PRKAB2: variants seen among roughly 807,000 people sequenced by gnomAD.
The protein encoded by PRKAB2 is 5'-AMP-activated protein kinase subunit beta-2.
Under a neutral mutation model 29.8 loss-of-function variants are expected in PRKAB2, and 18 were observed. That is an observed-to-expected ratio of 0.60 (90% CI 0.42 to 0.89). The LOEUF is 0.89. Ranked by LOEUF, PRKAB2 falls within the 40% of genes least tolerant of loss-of-function variation. The pLI, the probability that PRKAB2 is intolerant of heterozygous loss-of-function variation, is 0.00. For missense variants in PRKAB2, 270 were observed against 344.3 expected (o/e 0.78, Z 1.71); for synonymous variants, 136 against 125.9 (o/e 1.08, Z -0.54).
chr1:147,159,471 C>A lies in PRKAB2; in HGVS notation c.*94G>T. 8.8e-7 allele frequency: 1 copy of A among 1,141,560 alleles called. No homozygotes were observed. The allele number at this position is 1,141,560 out of a possible 1,614,324, so 70.7% of individuals were successfully genotyped here. ...TGAAACACACATATCAGCCTCAAAG[C>A]AAATCAGCCTTCCAGTCTCAGGTAA... On this transcript the variant is annotated 3_prime_UTR_variant, in exon 8 of 8. Coordinates refer to ENST00000254101, the MANE Select transcript of PRKAB2 (RefSeq NM_005399.5).
At chr1:147,165,415 A>T (rs1654192179) in intron 5 of PRKAB2, among the ~76,000 whole-genome samples, 1 of 152,204 alleles carries the variant, frequency 6.6e-6, no homozygotes, top group Admixed American at 6.5e-5. Flanking sequence ...TCAGCTGAGA[A>T]TCACTGAAAG....
In PRKAB2 at chr1:147,158,276, T is replaced by C. The variant is rs1653771688; in HGVS notation, c.*1289A>G. ...AGAACAAAATGATTTTGTTAACATT[T>C]GGTGCAAAGAATGATACTTTTCATG... On this transcript the variant is annotated 3_prime_UTR_variant, in exon 8 of 8. Coordinates refer to ENST00000254101, the MANE Select transcript of PRKAB2 (RefSeq NM_005399.5). 1 of 152,170 alleles carries C rather than the reference T, an allele frequency of 6.6e-6. No homozygotes were observed. The highest frequency in any genetic ancestry group is 1.5e-5 in the Non-Finnish European group (1 of 68,018). The allele number at this position is 152,170 out of a possible 1,614,324, so 9.4% of individuals were successfully genotyped here. A position where few individuals can be genotyped will look rare whatever the true frequency, so the allele number is the denominator to read the frequency against.
Position 147,166,932 on chromosome 1 carries a change from C to A in PRKAB2, c.331G>T (p.Asp111Tyr). ...GGGAGGTCCAGGATGGCAACAAAGT[C>A]ATTATGGCTACAGAAGAAAAAAGAA... Reference protein sequence around the residue: ...TKIPLIKSHNDFVAILDLPEG... With the variant: ...TKIPLIKSHNYFVAILDLPEG... Residue 111 changes from aspartate to tyrosine, a missense_variant, in exon 4 of 8, where the codon GAC becomes TAC. This residue lies in a region of PRKAB2 where 228 missense variants were observed against 255.5 expected (regional missense o/e 0.89). Transcript: ENST00000254101. The A allele has an allele frequency of 1.2e-6, 2 of 1,613,264 alleles. No individual in the cohort carries two copies. Among genetic ancestry groups the A allele is most frequent in the South Asian group, 2.2e-5 (2 of 90,978 alleles).
At chr1:147,165,681 T>G (rs2101624323) in intron 5 of PRKAB2, among the ~76,000 whole-genome samples, 1 of 152,028 alleles carries the variant, frequency 6.6e-6, no homozygotes, top group East Asian at 1.9e-4. Flanking sequence ...TTGGCTCAAA[T>G]AATATTAGAG....
rs1653836406 is a variant in PRKAB2, at chr1:147,159,390, CA to C, written c.*174del. 2 of 559,700 alleles carry C rather than the reference CA, an allele frequency of 3.6e-6. No homozygotes were observed. The highest frequency in any genetic ancestry group is 5.2e-5 in the South Asian group (2 of 38,550). The allele number at this position is 559,700 out of a possible 1,614,324, so 34.7% of individuals were successfully genotyped here. ...TTTCTTAAAATAAATTCCGTGAACT[CA>C]TAAAGCTCTCATCTGCAATCAAATG... On this transcript the variant is annotated 3_prime_UTR_variant, in exon 8 of 8. Transcript: ENST00000254101.
rs1410486887 is a variant in PRKAB2 at position 147,157,455 on chromosome 1, G to C, written c.*2110C>G. On this transcript the variant is annotated 3_prime_UTR_variant, in exon 8 of 8. Coordinates refer to ENST00000254101, the MANE Select transcript of PRKAB2 (RefSeq NM_005399.5). ...GCATCAAAACCTACTGTCACAGGGG[G>C]CTGACGCATTTCACAAAAGCCTCAG... 1.3e-5 allele frequency: 2 copies of C among 152,092 alleles called. No homozygotes were observed. Among genetic ancestry groups the C allele is most frequent in the African/African-American group, 2.4e-5 (1 of 41,392 alleles). The allele number at this position is 152,092 out of a possible 1,614,324, so 9.4% of individuals were successfully genotyped here.
chr1:147,165,287 A>C (rs1230683867), intron 5 of PRKAB2, among the ~76,000 whole-genome samples: 1 of 152,176 alleles, frequency 6.6e-6, no homozygotes, highest in African/African-American at 2.4e-5. Flanking sequence ...CGGTCTCCCA[A>C]AGTGCTGGGA....
In PRKAB2 at chr1:147,167,859, C is replaced by T. The variant is rs1654327479; in HGVS notation, c.231G>A (p.Arg77=). ...CTTCAGACCAGCGGATAACAGTGGGCCGGGCCTGCTGTGTGGGCTTTACGG... is the reference window on the plus strand; with the variant it reads ...CTTCAGACCAGCGGATAACAGTGGGTCGGGCCTGCTGTGTGGGCTTTACGG... The part of the protein sequence containing the change: ...EDSVKPTQQA[R]PTVIRWSEGG... Residue 77 remains arginine (R), a synonymous_variant, in exon 3 of 8, where the codon CGG becomes CGA. Coordinates refer to ENST00000254101, the MANE Select transcript of PRKAB2 (RefSeq NM_005399.5). 2 of 1,613,994 alleles carry T rather than the reference C, an allele frequency of 1.2e-6. No homozygotes were observed. Among genetic ancestry groups the T allele is most frequent in the Non-Finnish European group, 8.5e-7 (1 of 1,179,994 alleles).
rs1654277334 is a variant in PRKAB2, at chr1:147,166,883, A to C, written c.380T>G (p.Phe127Cys). 4 of 1,614,008 alleles carry C rather than the reference A, an allele frequency of 2.5e-6. No homozygotes were observed. The highest frequency in any genetic ancestry group is 3.4e-6 in the Non-Finnish European group (4 of 1,179,988). The part of the protein sequence containing the change: ...DLPEGEHQYK[F>C]FVDGQWVHDP... ...ATGAACCCACTGTCCATCCACAAAGAACTTGTATTGGTGCTCTCCCTCAGG... is the reference window on the plus strand; with the variant it reads ...ATGAACCCACTGTCCATCCACAAAGCACTTGTATTGGTGCTCTCCCTCAGG... Residue 127 changes from phenylalanine (F) to cysteine (C), a missense_variant, in exon 4 of 8, where the codon TTC (phenylalanine) becomes TGC (cysteine). Transcript: ENST00000254101.
intron 4 of PRKAB2, 112 bp downstream of exon 4, chr1:147,166,734 C>A (rs1008080991): frequency 2.6e-6 from 4 of 1,553,366 alleles, no homozygotes; most frequent in East Asian, 2.3e-5. Context: ...CACGTTTTAT[C>A]AAGAGAGAAA....
intron 2 of PRKAB2, among the ~76,000 whole-genome samples, chr1:147,169,483 C>T (rs782314619): frequency 6.6e-6 from 1 of 151,916 alleles, no homozygotes; most frequent in Admixed American, 6.6e-5. Context: ...GATCTGGGAA[C>T]CTATTTTTAA....
intron 5 of PRKAB2, among the ~76,000 whole-genome samples, chr1:147,165,420 TG>T (rs1472649206): frequency 6.6e-6 from 1 of 152,184 alleles, no homozygotes; most frequent in East Asian, 1.9e-4. Flanking sequence ...TGAGAATCAC[TG>T]AAAGTTTAAG....
chr1:147,168,239 C>T (rs187500160), intron 2 of PRKAB2, among the ~76,000 whole-genome samples: 1 of 152,052 alleles, frequency 6.6e-6, no homozygotes, highest in Non-Finnish European at 1.5e-5. Context: ...TAACTCCCTA[C>T]CACTAGTTTA....
chr1:147,166,479 G>A lies in PRKAB2; in HGVS notation c.538+19C>T, dbSNP rs1472576957. 6.2e-7 allele frequency: 1 copy of A among 1,610,734 alleles called. No individual in the cohort carries two copies. Among genetic ancestry groups the A allele is most frequent in the Non-Finnish European group, 8.5e-7 (1 of 1,178,398 alleles). On this transcript the variant is annotated intron_variant, in intron 5 of 7. Coordinates refer to ENST00000254101, the MANE Select transcript of PRKAB2 (RefSeq NM_005399.5). ...TACAAGAAAGACACAGCAAGAGAGAGTAAATAATACAAAATTACCTCTACA... is the reference window on the plus strand; with the variant it reads ...TACAAGAAAGACACAGCAAGAGAGAATAAATAATACAAAATTACCTCTACA...
In PRKAB2 at chr1:147,168,014, G is replaced by C. The variant is rs1553913895; in HGVS notation, c.157-81C>G. ...AGGTCACTCTCCTCCCTAGGATAGA[G>C]AAGGGTGCTAGGCTTTGGCTAAGGA... On this transcript the variant is annotated intron_variant, in intron 2 of 7. Transcript: ENST00000254101. The C allele has an allele frequency of 4.8e-6, 7 of 1,449,686 alleles. No homozygotes were observed. The South Asian group carries it at 8.3e-5, about 17-fold the overall frequency. 89.8% of individuals were successfully genotyped at this position (1,449,686 alleles called of 1,614,324 possible). A position where few individuals can be genotyped will look rare whatever the true frequency, so the allele number is the denominator to read the frequency against.
rs1201551344 is a variant in PRKAB2, at chr1:147,155,985, G to A, written c.*3580C>T. The A allele has an allele frequency of 6.6e-6, 1 of 152,114 alleles. No homozygotes were observed. The highest frequency in any genetic ancestry group is 1.5e-5 in the Non-Finnish European group (1 of 68,012). The allele number at this position is 152,114 out of a possible 1,614,324, so 9.4% of individuals were successfully genotyped here. A position where few individuals can be genotyped will look rare whatever the true frequency, so the allele number is the denominator to read the frequency against. ...ATATCCAATTGTGATTGGCACTTAA[G>A]GAGAGACAAATGCTTAGATCCAAAG... is the stretch of plus-strand genomic sequence containing the variant. On this transcript the variant is annotated 3_prime_UTR_variant, in exon 8 of 8. Transcript: ENST00000254101.
Position 147,161,751 on chromosome 1 carries a change from G to A in PRKAB2, c.702C>T (p.Asn234=), listed in dbSNP as rs782381406. ...SCDPALLPEP[N]HVMLNHLYAL... ...CATAGAGATGGTTCAGCATAACATG[G>A]TTGGGCTCAGGGAGTAAGGCTGGGT... The change falls in exon 7 of 8, where the codon AAC becomes AAT. Residue 234 remains asparagine (N), a synonymous_variant. Transcript: ENST00000254101. The A allele has an allele frequency of 2.5e-6, 4 of 1,612,986 alleles. No homozygotes were observed. Among genetic ancestry groups the A allele is most frequent in the Non-Finnish European group, 2.5e-6 (3 of 1,179,220 alleles).
intron 2 of PRKAB2, 72 bp downstream of exon 2, chr1:147,171,917 A>G (rs1452672894): frequency 3.2e-6 from 5 of 1,544,014 alleles, no homozygotes; most frequent in Non-Finnish European, 4.4e-6. Context: ...GAAAAGAACC[A>G]AGAAAGGGAA....
intron 2 of PRKAB2, among the ~76,000 whole-genome samples, chr1:147,169,474 A>G (rs1313861475): frequency 6.6e-6 from 1 of 152,206 alleles, no homozygotes; most frequent in African/African-American, 2.4e-5. Flanking sequence ...CGGATGTAAG[A>G]TCTGGGAACC....
Sources: allele counts gnomAD v4.1 joint callset (sites outside exome capture counted in the v4.1 genomes callset), GRCh38; gene constraint gnomAD v4.1.1; regional missense constraint gnomAD v4.1.1; transcripts MANE v1.5; gene names NCBI Gene and HGNC (gene_info 2026-07-23, HGNC 2026-07-21).